Variants in SCAPER observed in about 807,000 individuals in gnomAD.
The protein encoded by SCAPER is S phase cyclin A-associated protein in the endoplasmic reticulum.
In SCAPER, 98 loss-of-function variants were observed where a neutral mutation model predicts 182.2. The ratio of observed to expected loss-of-function variants is 0.54; its 90% CI spans 0.46 to 0.64. SCAPER has a LOEUF of 0.64. Ranked by LOEUF, SCAPER falls within the 30% of genes least tolerant of loss-of-function variation. SCAPER has a pLI of 0.00. For missense variants in SCAPER, 1,432 were observed against 1,690.0 expected (o/e 0.85, Z 2.68); for synonymous variants, 605 against 564.6 (o/e 1.07, Z -1.01).
chr15:76,743,541 C>T (rs77147098), intron 15 of SCAPER, among the ~76,000 whole-genome samples: 2 of 151,868 alleles, frequency 1.3e-5, no homozygotes, highest in Non-Finnish European at 2.9e-5. Flanking sequence ...GAACACAATA[C>T]CATACAAAAT....
At chr15:76,822,675 C>T (rs1184941009) in intron 5 of SCAPER, among the ~76,000 whole-genome samples, 1 of 152,162 alleles carries the variant, frequency 6.6e-6, no homozygotes, top group Non-Finnish European at 1.5e-5. Flanking sequence ...CTTTAAATAA[C>T]CCAAAATTAT....
intron 14 of SCAPER, among the ~76,000 whole-genome samples, chr15:76,756,699 G>A (rs1456657669): frequency 6.6e-6 from 1 of 152,104 alleles, no homozygotes; most frequent in Non-Finnish European, 1.5e-5. Context: ...ATACAGCATA[G>A]ATAACACAGT....
intron 20 of SCAPER, among the ~76,000 whole-genome samples, chr15:76,691,943 T>C (rs1304532473): frequency 2.0e-5 from 3 of 152,168 alleles, no homozygotes; most frequent in Non-Finnish European, 1.5e-5. Flanking sequence ...CAATTTGTTT[T>C]ATGAATGGAT....
chr15:76,363,853 C>T (rs537167822), intron 29 of SCAPER, among the ~76,000 whole-genome samples: 19 of 152,312 alleles, frequency 1.2e-4, no homozygotes, highest in Admixed American at 2.6e-4. Context: ...GCAGCAGCTG[C>T]GGTGGCCAGG....
intron 2 of SCAPER, among the ~76,000 whole-genome samples, chr15:76,868,392 C>CA (rs5813851): frequency 0.016 from 2,343 of 145,900 alleles, 51 homozygotes; most frequent in African/African-American, 0.055. Context: ...GACCTTGTCT[C>CA]AAAAAAAAAA....
Position 76,381,666 on chromosome 15 carries a change from G to A in SCAPER, c.3468-51C>T, listed in dbSNP as rs1447174334. On this transcript the variant is annotated intron_variant, in intron 27 of 31. Transcript: ENST00000563290. ...GAGAAAAACTACTTAATGGATGTTAGCAATTTGTATAGGTTAAATGAAACA... is the reference window on the plus strand; with the variant it reads ...GAGAAAAACTACTTAATGGATGTTAACAATTTGTATAGGTTAAATGAAACA... The A allele has an allele frequency of 3.6e-6, 5 of 1,394,634 alleles. No homozygotes were observed. In the African/African-American group the frequency reaches 7.2e-5, roughly 20 times the overall value. The allele number at this position is 1,394,634 out of a possible 1,614,324, so 86.4% of individuals were successfully genotyped here.
At chr15:76,433,766 T>C (rs548716823) in intron 26 of SCAPER, among the ~76,000 whole-genome samples, 1 of 152,332 alleles carries the variant, frequency 6.6e-6, no homozygotes, top group African/African-American at 2.4e-5. Flanking sequence ...CCAAATTGTG[T>C]TTATCATTGA....
chr15:76,389,827 A>AAG (rs1221766912), intron 27 of SCAPER, among the ~76,000 whole-genome samples: 1 of 151,706 alleles, frequency 6.6e-6, no homozygotes, highest in Non-Finnish European at 1.5e-5. Flanking sequence ...AAAAAAAAAA[A>AAG]AAAAAGAAGA....
At chr15:76,781,050 A>T (rs2064096498) in intron 8 of SCAPER, among the ~76,000 whole-genome samples, 1 of 152,230 alleles carries the variant, frequency 6.6e-6, no homozygotes. Flanking sequence ...ACGAGTTGAC[A>T]GAAGTAGGCT....
intron 21 of SCAPER, among the ~76,000 whole-genome samples, chr15:76,657,588 C>CAAAAAAAAAAAA (rs35243291): frequency 7.7e-6 from 1 of 129,844 alleles, no homozygotes; most frequent in East Asian, 2.2e-4. Context: ...GACACAACAA[C>CAAAAAAAAAAAA]AAAAAAAAAA....
chr15:76,359,489 A>G (rs1217612105), intron 29 of SCAPER, among the ~76,000 whole-genome samples: 3 of 152,266 alleles, frequency 2.0e-5, no homozygotes, highest in African/African-American at 7.2e-5. Flanking sequence ...GGTAAGTGGT[A>G]CAAAGAAACA....
intron 23 of SCAPER, among the ~76,000 whole-genome samples, chr15:76,508,174 C>T (rs1424367184): frequency 1.3e-5 from 2 of 152,078 alleles, no homozygotes; most frequent in African/African-American, 4.8e-5. Flanking sequence ...CACACTTTAC[C>T]CAACTGTGTC....
At chr15:76,689,495 A>T (rs1328300024) in intron 20 of SCAPER, among the ~76,000 whole-genome samples, 5 of 152,068 alleles carry the variant, frequency 3.3e-5, no homozygotes, top group Admixed American at 6.5e-5. Flanking sequence ...AATTTTCTAA[A>T]AAAATATCAA....
chr15:76,715,041 G>A (rs907160090), intron 17 of SCAPER, among the ~76,000 whole-genome samples: 5 of 151,970 alleles, frequency 3.3e-5, no homozygotes, highest in African/African-American at 7.3e-5. Context: ...TACCACAAAC[G>A]GCCAAGCTAC....
chr15:76,608,582 T>C (rs1480646060), intron 22 of SCAPER, among the ~76,000 whole-genome samples: 3 of 152,134 alleles, frequency 2.0e-5, no homozygotes, highest in Non-Finnish European at 2.9e-5. Context: ...AGGTTACTGC[T>C]ATCTTTTTGT....
intron 17 of SCAPER, among the ~76,000 whole-genome samples, chr15:76,715,776 G>A (rs991596503): frequency 2.0e-5 from 3 of 152,086 alleles, no homozygotes; most frequent in African/African-American, 7.2e-5. Context: ...TCATGCCAGT[G>A]CCTCACCCTG....
chr15:76,823,887 C>T (rs1320205237), intron 5 of SCAPER, among the ~76,000 whole-genome samples: 1 of 150,614 alleles, frequency 6.6e-6, no homozygotes, highest in Admixed American at 6.6e-5. Flanking sequence ...CAGAAGTTTT[C>T]TACTGATTTC....
intron 17 of SCAPER, among the ~76,000 whole-genome samples, chr15:76,725,623 T>C (rs1009426514): frequency 1.3e-5 from 2 of 152,078 alleles, no homozygotes; most frequent in South Asian, 2.1e-4. Context: ...CAAAACAGTA[T>C]GGACTACCAT....
chr15:76,826,320 C>A (rs1598948186), intron 5 of SCAPER, among the ~76,000 whole-genome samples: 1 of 148,130 alleles, frequency 6.8e-6, no homozygotes, highest in African/African-American at 2.5e-5. Flanking sequence ...GAACAAAAAA[C>A]CAAACACCGC....
Sources: gnomAD v4.1 joint callset for allele counts (sites outside exome capture counted in the v4.1 genomes callset) on GRCh38, gnomAD v4.1.1 for gene constraint, MANE v1.5 for transcripts, NCBI Gene and HGNC (gene_info 2026-07-23, HGNC 2026-07-21) for gene names.